QKI: variants seen among roughly 807,000 people sequenced by gnomAD.
QKI encodes the protein KH domain-containing RNA-binding protein QKI.
A neutral mutation model predicts 39.0 loss-of-function variants in QKI; 10 were observed. The ratio of observed to expected loss-of-function variants is 0.26; its 90% CI spans 0.16 to 0.43. QKI has a LOEUF of 0.43. QKI is among the 20% of genes least tolerant of loss of function. The pLI, the probability that QKI is intolerant of heterozygous loss-of-function variation, is 1.00. For missense variants in QKI, 218 were observed against 428.0 expected (o/e 0.51, Z 4.33); for synonymous variants, 204 against 155.4 (o/e 1.31, Z -2.33).
chr6:163,512,433 G>C (rs944078958), intron 3 of QKI, among the ~76,000 whole-genome samples: 1 of 151,986 alleles, frequency 6.6e-6, no homozygotes, highest in Non-Finnish European at 1.5e-5. Flanking sequence ...ATATAAAAAG[G>C]TCATTCCAGC....
intron 3 of QKI, among the ~76,000 whole-genome samples, chr6:163,499,521 G>A (rs1173222112): frequency 6.6e-6 from 1 of 152,176 alleles, no homozygotes; most frequent in Non-Finnish European, 1.5e-5. Flanking sequence ...TTAAATATAT[G>A]CTAAAACGTG....
intron 3 of QKI, among the ~76,000 whole-genome samples, chr6:163,483,748 T>C (rs1019205997): frequency 2.6e-5 from 4 of 152,212 alleles, no homozygotes; most frequent in African/African-American, 9.7e-5. Context: ...GAATTAACTT[T>C]TTCCAGACTC....
chr6:163,555,496 C>T (rs1221289746), intron 4 of QKI, among the ~76,000 whole-genome samples: 1 of 107,462 alleles, frequency 9.3e-6, no homozygotes, highest in Non-Finnish European at 1.7e-5. Flanking sequence ...AGCGACAGAG[C>T]GAAACTCCAG....
intron 1 of QKI, among the ~76,000 whole-genome samples, chr6:163,433,767 TAAAAA>T (rs553590773): frequency 5.8e-4 from 85 of 146,710 alleles, no homozygotes; most frequent in Non-Finnish European, 8.3e-4. Flanking sequence ...ACTCCTCTCA[TAAAAA>T]AAAAAGAATG....
intron 3 of QKI, among the ~76,000 whole-genome samples, chr6:163,487,132 C>G (rs1270663504): frequency 6.6e-6 from 1 of 151,796 alleles, no homozygotes; most frequent in Non-Finnish European, 1.5e-5. Context: ...CCTGTTTTAT[C>G]GATCTTGTTG....
intron 7 of QKI, chr6:163,567,522 A>AAT: frequency 2.0e-6 from 2 of 984,394 alleles, no homozygotes; most frequent in Non-Finnish European, 2.4e-6. Flanking sequence ...CAGCTGTGTG[A>AAT]ATATAATTTT....
At chr6:163,431,321 A>G (rs1486791171) in intron 1 of QKI, among the ~76,000 whole-genome samples, 1 of 152,192 alleles carries the variant, frequency 6.6e-6, no homozygotes, top group African/African-American at 2.4e-5. Context: ...GTCTAACTCA[A>G]ATGCATTTGT....
intron 3 of QKI, among the ~76,000 whole-genome samples, chr6:163,480,913 C>G (rs1181821239): frequency 6.6e-6 from 1 of 152,060 alleles, no homozygotes; most frequent in Non-Finnish European, 1.5e-5. Context: ...ACCCCTTTTT[C>G]CCTGCTTCTG....
Position 163,566,962 on chromosome 6 carries a change from T to C in QKI, c.1009+167T>C, listed in dbSNP as rs983094239. ...ACAGATTTAAGGGTTGGGTTTTTTG[T>C]TTTGGTTTGGTTTTTTCTCCCTTCA... On this transcript the variant is annotated intron_variant, in intron 7 of 7. Transcript: ENST00000361752. The C allele has an allele frequency of 2.9e-6, 4 of 1,388,192 alleles. No homozygotes were observed. In the African/African-American group the frequency reaches 5.9e-5, roughly 20 times the overall value. The allele number at this position is 1,388,192 out of a possible 1,614,324, so 86.0% of individuals were successfully genotyped here.
chr6:163,492,357 G>C (rs57731320), intron 3 of QKI, among the ~76,000 whole-genome samples: 1 of 151,998 alleles, frequency 6.6e-6, no homozygotes, highest in East Asian at 1.9e-4. Flanking sequence ...GTTAACTCTC[G>C]ATTTTAAATA....
intron 3 of QKI, among the ~76,000 whole-genome samples, chr6:163,487,166 C>G (rs1251733254): frequency 7.2e-6 from 1 of 138,774 alleles, no homozygotes; most frequent in Non-Finnish European, 1.5e-5. Context: ...CTGACAAGCT[C>G]TAGCATGGAT....
chr6:163,553,492 A>G (rs922746987), intron 4 of QKI, among the ~76,000 whole-genome samples: 1 of 152,060 alleles, frequency 6.6e-6, no homozygotes, highest in South Asian at 2.1e-4. Flanking sequence ...GCCCAACCAT[A>G]TCATCTAATA....
chr6:163,560,617 A>G (rs773509637), intron 4 of QKI, among the ~76,000 whole-genome samples: 39 of 152,172 alleles, frequency 2.6e-4, no homozygotes, highest in Admixed American at 9.2e-4. Context: ...TTGACTTAAG[A>G]TGTTACTTAC....
At chr6:163,501,901 C>T (rs1778789744) in intron 3 of QKI, among the ~76,000 whole-genome samples, 2 of 152,144 alleles carry the variant, frequency 1.3e-5, no homozygotes. Flanking sequence ...TTTTTTCCAG[C>T]TGTTTGTTGG....
intron 2 of QKI, among the ~76,000 whole-genome samples, chr6:163,456,351 C>A (rs1250559495): frequency 6.6e-6 from 1 of 152,078 alleles, no homozygotes; most frequent in East Asian, 1.9e-4. Context: ...AAAATAAGAA[C>A]CTTGTCTTTG....
At chr6:163,454,682 G>A (rs920005585) in intron 1 of QKI, among the ~76,000 whole-genome samples, 3 of 151,864 alleles carry the variant, frequency 2.0e-5, no homozygotes, top group African/African-American at 2.4e-5. Context: ...AGTGGATTCC[G>A]TCCTTCTTTC....
At chr6:163,433,888 A>G (rs1053980097) in intron 1 of QKI, among the ~76,000 whole-genome samples, 140 of 152,352 alleles carry the variant, frequency 9.2e-4, no homozygotes, top group African/African-American at 3.1e-3. Context: ...TAACTCAACA[A>G]TTGAAATGAA....
intron 4 of QKI, among the ~76,000 whole-genome samples, chr6:163,536,416 T>C (rs1020471976): frequency 6.6e-6 from 1 of 152,204 alleles, no homozygotes; most frequent in Admixed American, 6.5e-5. Context: ...ATATAACATA[T>C]AAAACATACA....
intron 1 of QKI, among the ~76,000 whole-genome samples, chr6:163,453,479 T>A (rs1461362026): frequency 6.6e-6 from 1 of 152,182 alleles, no homozygotes; most frequent in East Asian, 1.9e-4. Flanking sequence ...TTTAATTAGA[T>A]TAAATTTTTC....
Sources: allele counts gnomAD v4.1 joint callset (sites outside exome capture counted in the v4.1 genomes callset), GRCh38; gene constraint gnomAD v4.1.1; transcripts MANE v1.5; gene names NCBI Gene and HGNC (gene_info 2026-07-23, HGNC 2026-07-21).